The following ZNF324B variants were observed in gnomAD, a reference collection of about 807,000 sequenced individuals.
ZNF324B encodes the protein zinc finger protein 324B.
ZNF324B carries 7 observed loss-of-function variants against 10.6 expected under a neutral mutation model. The ratio of observed to expected loss-of-function variants is 0.66; its 90% CI spans 0.38 to 1.24. The LOEUF (loss-of-function observed/expected upper bound fraction) is 1.24. ZNF324B is among the 50% of genes most tolerant of loss of function. The pLI, the probability that ZNF324B is intolerant of heterozygous loss-of-function variation, is 0.02. For missense variants in ZNF324B, 640 were observed against 764.7 expected (o/e 0.84, Z 1.92); for synonymous variants, 316 against 321.0 (o/e 0.98, Z 0.17).
At chr19:58,442,161 C>CTTTTTTTTTTTTTTTT in the ZNF324B span, 104 of 94,992 alleles carry the variant, frequency 1.1e-3, 25 homozygotes, top group African/African-American at 5.8e-3. Context: ...TGTTACAGTT[C>CTTTTTTTTTTTTTTTT]TTTTTTTTTT....
At position 58,456,120 on chromosome 19, in the gene ZNF324B, A is replaced by G; in HGVS notation, c.1176A>G (p.Thr392=). ...TGATCCAGCACGAGCGTACGCACAC[A>G]GGCGAGAAGCCCTTCGTATGCGCGC... ...SHLIQHERTH[T]GEKPFVCALC... The change falls in exon 4 of 4, where the codon ACA becomes ACG. Residue 392 remains threonine (T), a synonymous_variant. Coordinates refer to ENST00000336614, the MANE Select transcript of ZNF324B (RefSeq NM_207395.3). This position sits in a 1 kb window ranked among gnomAD's most constrained non-coding sequence, Gnocchi z 4.7. 1 of 1,613,272 alleles carries G rather than the reference A, an allele frequency of 6.2e-7. No individual in the cohort carries two copies. The highest frequency in any genetic ancestry group is 1.7e-5 in the Admixed American group (1 of 60,026).
At position 58,455,041 on chromosome 19, in the gene ZNF324B, C is replaced by A; in HGVS notation, c.239-142C>A. 1 of 1,163,006 alleles carries A rather than the reference C, an allele frequency of 8.6e-7. No homozygotes were observed. The highest frequency in any genetic ancestry group is 2.4e-5 in the East Asian group (1 of 41,070). 72.0% of individuals were successfully genotyped at this position (1,163,006 alleles called of 1,614,324 possible). ...AGATGCTTCCTCCAAACCCCAGCCC[C>A]TCCTGCAGAGCCAGCCTCACCTCTT... On this transcript the variant is annotated intron_variant, in intron 3 of 3. Coordinates refer to ENST00000336614, the MANE Select transcript of ZNF324B (RefSeq NM_207395.3). The surrounding 1 kb of genome is among the most constrained non-coding windows in gnomAD (Gnocchi z 7.0).
chr19:58,452,258 C>T (rs1294657348), intron 1 of ZNF324B: 2 of 152,104 alleles, frequency 1.3e-5, no homozygotes, highest in South Asian at 2.0e-4. Flanking sequence ...ACTGAGCGCT[C>T]TCGATGTGGA....
At chr19:58,420,017 G>A in the ZNF324B span, among the ~76,000 whole-genome samples, 3 of 152,110 alleles carry the variant, frequency 2.0e-5, no homozygotes, top group African/African-American at 4.8e-5. Flanking sequence ...CGTGGTGGTC[G>A]ATGCATGTAA....
Position 58,455,005 on chromosome 19 carries a change from C to T in ZNF324B, c.239-178C>T, listed in dbSNP as rs1461563994. 1 of 846,844 alleles carries T rather than the reference C, an allele frequency of 1.2e-6. No individual in the cohort carries two copies. The highest frequency in any genetic ancestry group is 1.7e-5 in the African/African-American group (1 of 59,820). The allele number at this position is 846,844 out of a possible 1,614,324, so 52.5% of individuals were successfully genotyped here. A position where few individuals can be genotyped will look rare whatever the true frequency, so the allele number is the denominator to read the frequency against. On this transcript the variant is annotated intron_variant, in intron 3 of 3. Coordinates refer to ENST00000336614, the MANE Select transcript of ZNF324B (RefSeq NM_207395.3). The surrounding 1 kb of genome is among the most constrained non-coding windows in gnomAD (Gnocchi z 7.0). ...AGTCCCCACTGCAGTCAGTGCCACA[C>T]CTGTCAGGGCAGATGCTTCCTCCAA...
At chr19:58,453,645 C>T in intron 1 of ZNF324B, 51 bp from the exon 2 acceptor site, 1 of 1,613,712 alleles carries the variant, frequency 6.2e-7, no homozygotes, top group Non-Finnish European at 8.5e-7. Flanking sequence ...TTGGTCCTGG[C>T]TCACAGCCAT....
chr19:58,424,573 GAC>G, the ZNF324B span, among the ~76,000 whole-genome samples: 1 of 152,130 alleles, frequency 6.6e-6, no homozygotes, highest in Admixed American at 6.5e-5. Flanking sequence ...AAATGAAAAA[GAC>G]AAACATACAA....
chr19:58,439,793 A>T, the ZNF324B span: 3 of 1,547,766 alleles, frequency 1.9e-6, no homozygotes, highest in Non-Finnish European at 2.6e-6. Context: ...TGGCAACCCC[A>T]TTAGAACCTG....
chr19:58,433,289 T>C, the ZNF324B span: 2 of 1,575,612 alleles, frequency 1.3e-6, no homozygotes, highest in Non-Finnish European at 1.7e-6. Flanking sequence ...TGGCTGAAGA[T>C]TTTCTCACAA....
the ZNF324B span, among the ~76,000 whole-genome samples, chr19:58,419,535 T>C: frequency 1.3e-5 from 2 of 152,206 alleles, no homozygotes; most frequent in African/African-American, 4.8e-5. Context: ...TTCTCAGCAA[T>C]TGCAGACCTG....
chr19:58,436,808 G>T, the ZNF324B span: 1 of 637,970 alleles, frequency 1.6e-6, no homozygotes, highest in Admixed American at 2.1e-5. Flanking sequence ...GGAGGTGTCT[G>T]ATCCCCAACC....
the ZNF324B span, chr19:58,436,987 T>C: frequency 1.9e-6 from 3 of 1,611,636 alleles, no homozygotes; most frequent in Non-Finnish European, 2.5e-6. Flanking sequence ...AACAGAGCTT[T>C]CTATGGGGAA....
chr19:58,427,423 C>CT, the ZNF324B span, among the ~76,000 whole-genome samples: 243 of 32,466 alleles, frequency 7.5e-3, 2 homozygotes, highest in South Asian at 9.2e-3. Context: ...TCCTTCCTTC[C>CT]TTCCTTCCTT....
At chr19:58,448,560 T>TA (rs2052837645), upstream of ZNF324B, among the ~76,000 whole-genome samples, 1 of 151,940 alleles carries the variant, frequency 6.6e-6, no homozygotes, top group Admixed American at 6.6e-5. Context: ...CCGTCTCTAC[T>TA]AAAAAAATAC....
At chr19:58,439,182 C>T in the ZNF324B span, among the ~76,000 whole-genome samples, 1 of 152,306 alleles carries the variant, frequency 6.6e-6, no homozygotes, top group Admixed American at 6.5e-5. Context: ...TCCACGGGCA[C>T]CCCTCTGTCC....
the ZNF324B span, among the ~76,000 whole-genome samples, chr19:58,427,290 T>TC: frequency 6.0e-3 from 789 of 131,256 alleles, 67 homozygotes; most frequent in African/African-American, 0.022. Context: ...ATGCCTGGCT[T>TC]TTTTCTTTCT....
the ZNF324B span, chr19:58,439,685 C>A: frequency 7.0e-7 from 1 of 1,432,282 alleles, no homozygotes; most frequent in South Asian, 1.4e-5. Context: ...ACACCAACAT[C>A]CCCTCTATCT....
At chr19:58,439,911 T>C in the ZNF324B span, 1 of 1,389,518 alleles carries the variant, frequency 7.2e-7, no homozygotes, top group Non-Finnish European at 9.7e-7. Flanking sequence ...TCTTCCCAAA[T>C]GCAAAATGCG....
chr19:58,424,977 C>T, the ZNF324B span, among the ~76,000 whole-genome samples: 2 of 152,110 alleles, frequency 1.3e-5, no homozygotes, highest in Admixed American at 6.6e-5. Flanking sequence ...ACAATTTGGC[C>T]AGGCACTGTG....
Sources: allele counts gnomAD v4.1 joint callset (sites outside exome capture counted in the v4.1 genomes callset), GRCh38; gene constraint gnomAD v4.1.1; non-coding constraint Gnocchi (gnomAD v3.1); transcripts MANE v1.5; gene names NCBI Gene and HGNC (gene_info 2026-07-23, HGNC 2026-07-21).